Variants in BCL11B observed in about 807,000 individuals in gnomAD.
The protein encoded by BCL11B is BCL11 transcription factor B, also known as B-cell lymphoma/leukemia 11B.
BCL11B carries 8 observed loss-of-function variants against 49.9 expected under a neutral mutation model. The observed-to-expected ratio is 0.16, with a 90% CI of 0.09 to 0.29. The LOEUF (loss-of-function observed/expected upper bound fraction) is 0.29. Ranked by LOEUF, BCL11B falls within the 10% of genes least tolerant of loss-of-function variation. The pLI, the probability that BCL11B is intolerant of heterozygous loss-of-function variation, is 1.00. For missense variants in BCL11B, 1,006 were observed against 1,351.0 expected (o/e 0.74, Z 4.00); for synonymous variants, 739 against 637.4 (o/e 1.16, Z -2.40).
At chr14:99,216,168 A>G (rs1306265867) in intron 3 of BCL11B, among the ~76,000 whole-genome samples, 1 of 152,256 alleles carries the variant, frequency 6.6e-6, no homozygotes, top group Non-Finnish European at 1.5e-5. Flanking sequence ...ATAAAGCAGT[A>G]AAGTGTCTGA....
At chr14:99,238,996 C>T (rs1566825243) in intron 2 of BCL11B, among the ~76,000 whole-genome samples, 1 of 152,152 alleles carries the variant, frequency 6.6e-6, no homozygotes, top group Admixed American at 6.5e-5. Flanking sequence ...TATACATATG[C>T]ATGTGCACAT....
chr14:99,216,340 G>C (rs1047557517), intron 3 of BCL11B, among the ~76,000 whole-genome samples: 2 of 152,210 alleles, frequency 1.3e-5, no homozygotes, highest in Admixed American at 6.5e-5. Flanking sequence ...TCGTGAGATG[G>C]TGCTATTCTC....
intron 3 of BCL11B, among the ~76,000 whole-genome samples, chr14:99,229,770 T>C (rs1002524444): frequency 6.6e-6 from 1 of 152,014 alleles, no homozygotes; most frequent in Non-Finnish European, 1.5e-5. Context: ...TGATCTTCGA[T>C]AGCATGGCCC....
At chr14:99,258,922 G>A (rs1025992020) in intron 1 of BCL11B, among the ~76,000 whole-genome samples, 6 of 151,946 alleles carry the variant, frequency 3.9e-5, no homozygotes, top group African/African-American at 1.5e-4. Context: ...AGAGTAGGGA[G>A]CCTAGGACCC....
At chr14:99,201,980 A>G (rs1001833690) in intron 3 of BCL11B, among the ~76,000 whole-genome samples, 9 of 151,296 alleles carry the variant, frequency 5.9e-5, no homozygotes, top group Non-Finnish European at 1.3e-4. Context: ...AGCCAGAAAC[A>G]CTCGCCTCTT....
intron 3 of BCL11B, among the ~76,000 whole-genome samples, chr14:99,214,295 G>A (rs541602210): frequency 2.0e-5 from 3 of 152,286 alleles, no homozygotes; most frequent in Non-Finnish European, 4.4e-5. Context: ...GCTCATGTCT[G>A]TAATCCCAGT....
At chr14:99,211,904 TAAG>T (rs572991368) in intron 3 of BCL11B, among the ~76,000 whole-genome samples, 9 of 152,002 alleles carry the variant, frequency 5.9e-5, no homozygotes, top group Admixed American at 5.9e-4. Flanking sequence ...TTCTTACTTA[TAAG>T]AAGAAGAAAC....
rs1888667007 is a variant in BCL11B, at chr14:99,241,416, G to A, written c.428-9859C>T. 1.3e-5 allele frequency among the ~76,000 whole-genome samples: 2 copies of A among 151,750 alleles called. No homozygotes were observed. Among genetic ancestry groups the A allele is most frequent in the Admixed American group, 1.3e-4 (2 of 15,246 alleles). On this transcript the variant is annotated intron_variant, in intron 2 of 3. Transcript: ENST00000357195. The surrounding 1 kb of genome is among the most constrained non-coding windows in gnomAD (Gnocchi z 4.4). ...CTAGCTGTAATCTCAGAGGAAGAAA[G>A]CAGCAAGCATCGCTCAGGAGGCCTC... is the stretch of plus-strand genomic sequence containing the variant.
chr14:99,258,051 C>T (rs559795792), intron 1 of BCL11B, among the ~76,000 whole-genome samples: 1 of 152,304 alleles, frequency 6.6e-6, no homozygotes, highest in African/African-American at 2.4e-5. Flanking sequence ...GGAGCAACGT[C>T]GTGCCCCCTG....
intron 1 of BCL11B, among the ~76,000 whole-genome samples, chr14:99,267,544 A>ACCCC (rs57963488): frequency 6.8e-5 from 9 of 131,864 alleles, no homozygotes; most frequent in Admixed American, 1.5e-4. Context: ...GAGGAACTTC[A>ACCCC]CCCCCCCCCC....
In BCL11B at chr14:99,175,380, C is replaced by T. The variant is rs1467652082; in HGVS notation, c.1456G>A (p.Gly486Ser). 3 of 1,591,162 alleles carry T rather than the reference C, an allele frequency of 1.9e-6. No homozygotes were observed. The highest frequency in any genetic ancestry group is 2.2e-5 in the South Asian group (2 of 89,606). The change falls in exon 4 of 4, where the codon GGC (glycine) becomes AGC (serine). Residue 486 changes from glycine (G) to serine (S), a missense_variant. Physicochemically the swap from Gly to Ser is moderately conservative, Grantham distance 56. This residue lies in a region of BCL11B where 443 missense variants were observed against 499.7 expected (regional missense o/e 0.89). Coordinates refer to ENST00000357195, the MANE Select transcript of BCL11B (RefSeq NM_138576.4). ...GCCGAGAGCCCGTCGTCGGAGCGGC[C>T]GGCCAGCGAGCCGGCCTTGTGCATG... ...THMHKAGSLA[G>S]RSDDGLSAAS... is the part of the protein sequence containing the mutation.
In BCL11B at chr14:99,242,352, G is replaced by A. The variant is rs1156743293; in HGVS notation, c.428-10795C>T. Among the ~76,000 whole-genome samples the A allele has an allele frequency of 2.0e-5, 3 of 152,188 alleles. No individual in the cohort carries two copies. The highest frequency in any genetic ancestry group is 4.4e-5 in the Non-Finnish European group (3 of 68,036). ...GGTACAGCGACAGGCGGAGAGGCCC[G>A]TCAGGTTGGGAGGGTTACGAGTCCA... is the stretch of plus-strand genomic sequence containing the variant. On this transcript the variant is annotated intron_variant, in intron 2 of 3. Coordinates refer to ENST00000357195, the MANE Select transcript of BCL11B (RefSeq NM_138576.4). This position sits in a 1 kb window ranked among gnomAD's most constrained non-coding sequence, Gnocchi z 4.4.
At position 99,241,585 on chromosome 14, in the gene BCL11B, T is replaced by C. The variant is rs1888672814; in HGVS notation, c.428-10028A>G. 6.6e-6 allele frequency among the ~76,000 whole-genome samples: 1 copy of C among 152,232 alleles called. No individual in the cohort carries two copies. Among genetic ancestry groups the C allele is most frequent in the South Asian group, 2.1e-4 (1 of 4,830 alleles). On this transcript the variant is annotated intron_variant, in intron 2 of 3. Transcript: ENST00000357195. This position sits in a 1 kb window ranked among gnomAD's most constrained non-coding sequence, Gnocchi z 4.4. ...TCCTCCGCCTCTGACAGCTGCCTCCTGCCCTTGGAGCGGCCAAGTGCAAAC... is the reference window on the plus strand; with the variant it reads ...TCCTCCGCCTCTGACAGCTGCCTCCCGCCCTTGGAGCGGCCAAGTGCAAAC...
Position 99,174,064 on chromosome 14 carries a change from G to A in BCL11B, c.*87C>T, listed in dbSNP as rs945558480. Reference sequence around the variant, plus strand: ...CCGGGGACACGCGGGGTGCGGGGTGGCGGTGACACGGAGGCAAGTCAGGTC... The same window carrying A: ...CCGGGGACACGCGGGGTGCGGGGTGACGGTGACACGGAGGCAAGTCAGGTC... On this transcript the variant is annotated 3_prime_UTR_variant, in exon 4 of 4. Transcript: ENST00000357195. 1.7e-5 allele frequency: 23 copies of A among 1,369,252 alleles called. No homozygotes were observed. The highest frequency in any genetic ancestry group is 2.3e-5 in the Non-Finnish European group (23 of 997,956). 84.8% of individuals were successfully genotyped at this position (1,369,252 alleles called of 1,614,324 possible). A position where few individuals can be genotyped will look rare whatever the true frequency, so the allele number is the denominator to read the frequency against.
intron 1 of BCL11B, among the ~76,000 whole-genome samples, chr14:99,258,529 G>A (rs1370994844): frequency 1.3e-5 from 2 of 152,304 alleles, no homozygotes; most frequent in African/African-American, 2.4e-5. Context: ...CTAAGGGCCC[G>A]TCCTTAGGAG....
intron 2 of BCL11B, among the ~76,000 whole-genome samples, chr14:99,240,649 T>C (rs1681236945): frequency 6.6e-6 from 1 of 152,268 alleles, no homozygotes; most frequent in Admixed American, 6.5e-5. Context: ...AATTTTCTTC[T>C]AAGGGAGCTG....
rs571399811 is a variant in BCL11B at position 99,244,303 on chromosome 14, A to T, written c.428-12746T>A. 1.2e-3 allele frequency among the ~76,000 whole-genome samples: 188 copies of T among 150,560 alleles called. 3 individuals are homozygous for T. The East Asian group carries it at 0.028, about 23-fold the overall frequency. ...AAACATGAACAATTACCCCCCCCTC[A>T]CACACACACACACCCCTAGTCTCCA... On this transcript the variant is annotated intron_variant, in intron 2 of 3. Coordinates refer to ENST00000357195, the MANE Select transcript of BCL11B (RefSeq NM_138576.4).
intron 1 of BCL11B, among the ~76,000 whole-genome samples, chr14:99,263,470 C>A (rs2457443): frequency 0.072 from 10,952 of 152,258 alleles, 485 homozygotes; most frequent in South Asian, 0.11. Context: ...GGCCTGCAGG[C>A]CAGGAGGTGG....
Position 99,174,987 on chromosome 14 carries a change from T to C in BCL11B, c.1849A>G (p.Lys617Glu). The C allele has an allele frequency of 5.1e-6, 8 of 1,576,506 alleles. No individual in the cohort carries two copies. The highest frequency in any genetic ancestry group is 6.8e-6 in the Non-Finnish European group (8 of 1,168,640). The change falls in exon 4 of 4, where the codon AAG becomes GAG. Residue 617 changes from lysine (K) to glutamate (E), a missense_variant. Around this residue, in one of 6 missense-constraint regions of BCL11B, gnomAD observed 443 missense variants for 499.7 expected, o/e 0.89. Coordinates refer to ENST00000357195, the MANE Select transcript of BCL11B (RefSeq NM_138576.4). ...LPQYGELLAD[K>E]QKRGAFLKRA... ...TTCAGGAAGGCGCCGCGCTTCTGCT[T>C]GTCGGCCAGGAGCTCGCCGTACTGC...
Sources: gnomAD v4.1 joint callset for allele counts (sites outside exome capture counted in the v4.1 genomes callset) on GRCh38, gnomAD v4.1.1 for gene constraint, gnomAD v4.1.1 regional missense constraint, Gnocchi (gnomAD v3.1) non-coding constraint, MANE v1.5 for transcripts, NCBI Gene and HGNC (gene_info 2026-07-23, HGNC 2026-07-21) for gene names.